KIAA1217: variants seen among roughly 807,000 people sequenced by gnomAD.
KIAA1217 encodes KIAA1217.
Under a neutral mutation model 163.9 loss-of-function variants are expected in KIAA1217, and 88 were observed. The observed-to-expected ratio is 0.54, with a 90% CI of 0.45 to 0.64. The LOEUF is 0.64. Ranked by LOEUF, KIAA1217 falls within the 30% of genes least tolerant of loss-of-function variation. The probability of loss-of-function intolerance (pLI) is 0.00; values close to 1 mark genes in which losing one functional copy is unlikely to be tolerated. For synonymous variants in KIAA1217, 903 were observed against 923.1 expected (o/e 0.98, Z 0.39); for missense variants, 2,372 against 2,475.0 (o/e 0.96, Z 0.88).
At chr10:24,068,377 T>G (rs1324227599) in intron 2 of KIAA1217, among the ~76,000 whole-genome samples, 1 of 152,222 alleles carries the variant, frequency 6.6e-6, no homozygotes, top group Non-Finnish European at 1.5e-5. Context: ...TCACTTTGTT[T>G]ATGTACTGTT....
intron 2 of KIAA1217, among the ~76,000 whole-genome samples, chr10:24,040,471 C>G (rs1253528483): frequency 6.6e-6 from 1 of 152,188 alleles, no homozygotes; most frequent in Non-Finnish European, 1.5e-5. Context: ...CTTGGGCAGA[C>G]ATAAAAGATA....
chr10:23,852,805 G>A (rs995904486), intron 1 of KIAA1217, among the ~76,000 whole-genome samples: 1 of 152,078 alleles, frequency 6.6e-6, no homozygotes, highest in Non-Finnish European at 1.5e-5. Context: ...CTCATGATTT[G>A]GCTCTCTGTT....
At chr10:24,360,030 G>A (rs531795761) in intron 2 of KIAA1217, among the ~76,000 whole-genome samples, 112 of 135,204 alleles carry the variant, frequency 8.3e-4, no homozygotes, top group African/African-American at 2.8e-3. Context: ...GTATCTTTAG[G>A]ATATAATTAC....
At chr10:23,709,276 C>T (rs1285096276) in intron 1 of KIAA1217, among the ~76,000 whole-genome samples, 1 of 152,150 alleles carries the variant, frequency 6.6e-6, no homozygotes, top group Non-Finnish European at 1.5e-5. Context: ...GTAATCCCAG[C>T]ACTTTGGGAG....
chr10:24,089,301 T>G (rs1258019859), intron 2 of KIAA1217, among the ~76,000 whole-genome samples: 1 of 125,518 alleles, frequency 8.0e-6, no homozygotes, highest in Non-Finnish European at 2.0e-5. Flanking sequence ...TTAGTTTAAT[T>G]AGATCCCATT....
chr10:23,732,528 TTC>T (rs1418353289), intron 1 of KIAA1217, among the ~76,000 whole-genome samples: 1 of 152,150 alleles, frequency 6.6e-6, no homozygotes, highest in Non-Finnish European at 1.5e-5. Flanking sequence ...GTAATTTGTG[TTC>T]TCTCTCTTTT....
At chr10:24,011,633 A>C (rs1389013801) in intron 2 of KIAA1217, among the ~76,000 whole-genome samples, 1 of 152,182 alleles carries the variant, frequency 6.6e-6, no homozygotes, top group Admixed American at 6.5e-5. Context: ...GTTTCTCTTG[A>C]AGCAAAAGAA....
intron 17 of KIAA1217, among the ~76,000 whole-genome samples, chr10:24,537,363 G>T (rs1413194479): frequency 6.6e-6 from 1 of 152,082 alleles, no homozygotes; most frequent in Non-Finnish European, 1.5e-5. Context: ...ATCACCTGAG[G>T]TCAGGAGTTC....
chr10:24,457,008 A>T (rs1044070702), intron 5 of KIAA1217, among the ~76,000 whole-genome samples: 1 of 150,016 alleles, frequency 6.7e-6, no homozygotes, highest in African/African-American at 2.4e-5. Context: ...GGCCAATTAA[A>T]CCCTTTTTAA....
At chr10:24,105,806 A>G (rs1589517851) in intron 2 of KIAA1217, among the ~76,000 whole-genome samples, 4 of 152,340 alleles carry the variant, frequency 2.6e-5, no homozygotes, top group Admixed American at 2.6e-4. Flanking sequence ...TCGGCCTAGA[A>G]TGGAAGCTAT....
intron 1 of KIAA1217, among the ~76,000 whole-genome samples, chr10:24,004,165 G>A (rs1265087084): frequency 6.6e-6 from 1 of 152,040 alleles, no homozygotes; most frequent in Non-Finnish European, 1.5e-5. Context: ...TTTTAGTAGA[G>A]ACGGGGTTTC....
At chr10:24,258,046 T>TGTATA (rs1348600289) in intron 2 of KIAA1217, among the ~76,000 whole-genome samples, 5 of 152,108 alleles carry the variant, frequency 3.3e-5, no homozygotes, top group African/African-American at 1.2e-4. Context: ...CCAGGGATAG[T>TGTATA]GGTGCATACC....
intron 1 of KIAA1217, among the ~76,000 whole-genome samples, chr10:23,854,902 G>T (rs951695013): frequency 6.6e-6 from 1 of 152,142 alleles, no homozygotes; most frequent in Admixed American, 6.5e-5. Flanking sequence ...TTGAGCCTAT[G>T]TGTGTCTCTG....
intron 1 of KIAA1217, among the ~76,000 whole-genome samples, chr10:23,968,441 C>T (rs950338016): frequency 1.3e-5 from 2 of 152,178 alleles, no homozygotes; most frequent in Admixed American, 6.5e-5. Flanking sequence ...GCACCCAGTG[C>T]TGTCTTCTTT....
chr10:24,080,224 C>CCA (rs1273087650), intron 2 of KIAA1217, among the ~76,000 whole-genome samples: 1 of 152,178 alleles, frequency 6.6e-6, no homozygotes, highest in East Asian at 1.9e-4. Context: ...GGGATGAAAT[C>CCA]AGGTCCCTTC....
chr10:23,978,656 T>C (rs572976927), intron 1 of KIAA1217, among the ~76,000 whole-genome samples: 2 of 152,232 alleles, frequency 1.3e-5, no homozygotes, highest in Non-Finnish European at 2.9e-5. Flanking sequence ...TATATATATA[T>C]AATACCCTAT....
Position 24,277,640 on chromosome 10 carries a change from C to T in KIAA1217, c.354+57731C>T, listed in dbSNP as rs369712572. ...GCTGATGGTTTTATAAGGGGCTTTC[C>T]CTTTCACTGGGCACTCATTCTTCTC... On this transcript the variant is annotated intron_variant, in intron 2 of 20. Coordinates refer to ENST00000376454, the MANE Select transcript of KIAA1217 (RefSeq NM_019590.5). Among the ~76,000 whole-genome samples, 21 of 152,232 alleles carry T rather than the reference C, an allele frequency of 1.4e-4. 1 individual carries two copies. The highest frequency in any genetic ancestry group is 1.0e-3 in the Admixed American group (16 of 15,294).
intron 1 of KIAA1217, among the ~76,000 whole-genome samples, chr10:23,791,846 T>A (rs978345066): frequency 1.3e-5 from 2 of 152,148 alleles, no homozygotes; most frequent in African/African-American, 4.8e-5. Flanking sequence ...CATTACTGTT[T>A]TATATTTCCA....
chr10:24,126,545 G>A lies in KIAA1217; in HGVS notation c.-170-93081G>A, dbSNP rs529185371. On this transcript the variant is annotated intron_variant, in intron 2 of 18. Coordinates refer to the KIAA1217 transcript ENST00000376462. ...TGTTTCTGCATGAAATTTGTAATTT[G>A]GGATTATGAGCTCATCTTCAATGGG... Among the ~76,000 whole-genome samples the A allele has an allele frequency of 9.9e-5, 15 of 152,110 alleles. No individual in the cohort carries two copies. The South Asian group carries it at 2.9e-3, about 29-fold the overall frequency.
Sources: allele counts gnomAD v4.1 joint callset (sites outside exome capture counted in the v4.1 genomes callset), GRCh38; gene constraint gnomAD v4.1.1; transcripts MANE v1.5; gene names NCBI Gene and HGNC (gene_info 2026-07-23, HGNC 2026-07-21).